Variants in OAS2 observed in about 807,000 individuals in gnomAD.
OAS2 encodes the protein 2'-5'-oligoadenylate synthase 2.
A neutral mutation model predicts 71.3 loss-of-function variants in OAS2; 67 were observed. The ratio of observed to expected loss-of-function variants is 0.94; its 90% CI spans 0.77 to 1.15. OAS2 has a LOEUF of 1.15. Among genes scored for constraint, OAS2 ranks in the 50% most tolerant of loss-of-function variants. The probability of loss-of-function intolerance (pLI) is 0.00; values close to 1 mark genes in which losing one functional copy is unlikely to be tolerated. For missense variants in OAS2, 789 were observed against 822.5 expected (o/e 0.96, Z 0.50); for synonymous variants, 327 against 321.8 (o/e 1.02, Z -0.17).
At chr12:112,999,633 C>A (rs1208605006) in intron 5 of OAS2, among the ~76,000 whole-genome samples, 1 of 152,216 alleles carries the variant, frequency 6.6e-6, no homozygotes, top group Non-Finnish European at 1.5e-5. Context: ...ACGCTCTGAG[C>A]AGTCACCCCT....
In OAS2 at chr12:113,009,389, C is replaced by T. The variant is rs996631960; in HGVS notation, c.*134C>T. 4 of 1,491,408 alleles carry T rather than the reference C, an allele frequency of 2.7e-6. No homozygotes were observed. In the African/African-American group the frequency reaches 5.8e-5, roughly 22 times the overall value. The allele number at this position is 1,491,408 out of a possible 1,614,324, so 92.4% of individuals were successfully genotyped here. A position where few individuals can be genotyped will look rare whatever the true frequency, so the allele number is the denominator to read the frequency against. On this transcript the variant is annotated 3_prime_UTR_variant, in exon 10 of 10. Transcript: ENST00000392583. The stretch of plus-strand genomic sequence containing the variant: ...AGGAGCTTAAACAGCTGGTCAGCCC[C>T]CTAAGCCCCCACTACAAGTGATCCT...
rs1276105776 is a variant in OAS2, at chr12:112,978,640, T to G, written c.32T>G (p.Val11Gly). The G allele has an allele frequency of 6.2e-7, 1 of 1,614,014 alleles. No individual in the cohort carries two copies. The highest frequency in any genetic ancestry group is 8.5e-7 in the Non-Finnish European group (1 of 1,180,022). Residue 11 changes from valine to glycine, a missense_variant, in exon 1 of 10, where the codon GTG (valine) becomes GGG (glycine). By Grantham distance (109) the Val-to-Gly change is moderately radical. Transcript: ENST00000392583. The surrounding 1 kb of genome is among the most constrained non-coding windows in gnomAD (Gnocchi z 4.2). MGNGESQLSS[V>G]PAQKLGWFIQ... Reference sequence around the variant, plus strand: ...AATGGGGAGTCCCAGCTGTCCTCGGTGCCTGCTCAGAAGCTGGGTTGGTTT... The same window carrying G: ...AATGGGGAGTCCCAGCTGTCCTCGGGGCCTGCTCAGAAGCTGGGTTGGTTT...
rs144455803 is a variant in OAS2, at chr12:113,008,726, A to C, written c.1896-361A>C. 2.6e-4 allele frequency among the ~76,000 whole-genome samples: 39 copies of C among 152,240 alleles called. No individual in the cohort carries two copies. In the East Asian group the frequency reaches 7.2e-3, roughly 28 times the overall value. ...CTGCAACCTCTGCCTCCCGGGTTCAAGCTGGTTCTCCTGCCTCAGCCTCCG... is the reference window on the plus strand; with the variant it reads ...CTGCAACCTCTGCCTCCCGGGTTCACGCTGGTTCTCCTGCCTCAGCCTCCG... On this transcript the variant is annotated intron_variant, in intron 9 of 9. Coordinates refer to ENST00000392583, the MANE Select transcript of OAS2 (RefSeq NM_002535.3).
intron 1 of OAS2, among the ~76,000 whole-genome samples, chr12:112,981,486 ATG>A (rs1483528212): frequency 6.6e-6 from 1 of 151,774 alleles, no homozygotes; most frequent in East Asian, 1.9e-4. Context: ...CCTTTCCCTA[ATG>A]TGTGTTCATG....
intron 1 of OAS2, among the ~76,000 whole-genome samples, chr12:112,980,186 A>G (rs577645780): frequency 6.6e-6 from 1 of 152,324 alleles, no homozygotes; most frequent in Non-Finnish European, 1.5e-5. Context: ...CATGGATACA[A>G]TGTGAAATGA....
intron 2 of OAS2, 97 bp downstream of exon 2, chr12:112,987,405 C>A: frequency 1.3e-6 from 2 of 1,518,120 alleles, no homozygotes; most frequent in Non-Finnish European, 1.8e-6. Context: ...GATACCACTG[C>A]TGCTTTAAAA....
chr12:112,988,348 G>A (rs778882838), intron 2 of OAS2: 4 of 472,788 alleles, frequency 8.5e-6, no homozygotes, highest in Non-Finnish European at 1.1e-5. Flanking sequence ...CAGCCACGTG[G>A]TGGAAGAAGA....
chr12:113,010,234 T>C lies in OAS2; in HGVS notation c.*979T>C. The C allele has an allele frequency of 6.8e-7, 1 of 1,469,708 alleles. No homozygotes were observed. The highest frequency in any genetic ancestry group is 8.9e-7 in the Non-Finnish European group (1 of 1,118,474). The allele number at this position is 1,469,708 out of a possible 1,614,324, so 91.0% of individuals were successfully genotyped here. A position where few individuals can be genotyped will look rare whatever the true frequency, so the allele number is the denominator to read the frequency against. On this transcript the variant is annotated 3_prime_UTR_variant, in exon 10 of 10. Transcript: ENST00000392583. ...TAGCTCTAATTATTAAGATATGCAT[T>C]ATAAATAAATACCAAAAAATTGTCT...
chr12:112,981,079 T>A (rs1292814875), intron 1 of OAS2, among the ~76,000 whole-genome samples: 1 of 152,196 alleles, frequency 6.6e-6, no homozygotes, highest in Non-Finnish European at 1.5e-5. Context: ...TTTTCTTTGC[T>A]GTTGAGTTGT....
chr12:112,988,658 T>A (rs889468770), intron 2 of OAS2: 1 of 985,318 alleles, frequency 1.0e-6, no homozygotes, highest in Admixed American at 6.1e-5. Context: ...AGTGAGCACA[T>A]CTGCACATTC....
At chr12:113,004,591 G>A (rs1392159864) in intron 6 of OAS2, among the ~76,000 whole-genome samples, 1 of 152,048 alleles carries the variant, frequency 6.6e-6, no homozygotes, top group Non-Finnish European at 1.5e-5. Flanking sequence ...ATTGCATTCC[G>A]CTCGATTTAT....
chr12:112,994,130 C>A (rs1053688117), intron 2 of OAS2, among the ~76,000 whole-genome samples: 8 of 152,172 alleles, frequency 5.3e-5, no homozygotes, highest in African/African-American at 1.9e-4. Context: ...TGCATCCAGA[C>A]AATGGGATGT....
intron 2 of OAS2, among the ~76,000 whole-genome samples, chr12:112,994,908 G>A (rs2044221072): frequency 3.9e-5 from 6 of 152,194 alleles, no homozygotes; most frequent in Admixed American, 3.9e-4. Flanking sequence ...TATATTGCAT[G>A]TAAAATATAA....
At chr12:112,995,569 C>T (rs930727628) in intron 3 of OAS2, 95 bp downstream of exon 3, 32 of 1,172,360 alleles carry the variant, frequency 2.7e-5, no homozygotes, top group Non-Finnish European at 3.9e-5. Context: ...AGGTATACAG[C>T]TCAACGCATT....
At chr12:113,008,921 C>T (rs1476807603) in intron 9 of OAS2, among the ~76,000 whole-genome samples, 166 bp from the exon 10 acceptor site, 4 of 152,208 alleles carry the variant, frequency 2.6e-5, no homozygotes, top group Non-Finnish European at 5.9e-5. Flanking sequence ...AGCCACTGCA[C>T]GCGGCCTCTA....
At chr12:112,990,468 A>G (rs946251377) in intron 2 of OAS2, among the ~76,000 whole-genome samples, 2 of 152,192 alleles carry the variant, frequency 1.3e-5, no homozygotes, top group African/African-American at 2.4e-5. Flanking sequence ...GGTTCTTATT[A>G]TGTAGATGAA....
rs1339527052 is a variant in OAS2, at chr12:112,978,637, C to T, written c.29C>T (p.Ser10Leu). MGNGESQLS[S>L]VPAQKLGWFI... ...GGAAATGGGGAGTCCCAGCTGTCCT[C>T]GGTGCCTGCTCAGAAGCTGGGTTGG... The change falls in exon 1 of 10, where the codon TCG (serine) becomes TTG (leucine). Residue 10 changes from serine to leucine, a missense_variant. Coordinates refer to ENST00000392583, the MANE Select transcript of OAS2 (RefSeq NM_002535.3). The surrounding 1 kb of genome is among the most constrained non-coding windows in gnomAD (Gnocchi z 4.2). 2.5e-6 allele frequency: 4 copies of T among 1,613,994 alleles called. No homozygotes were observed. Among genetic ancestry groups the T allele is most frequent in the Non-Finnish European group, 3.4e-6 (4 of 1,180,004 alleles).
intron 2 of OAS2, among the ~76,000 whole-genome samples, chr12:112,994,152 T>G (rs770700657): frequency 6.6e-6 from 1 of 152,284 alleles, no homozygotes; most frequent in East Asian, 1.9e-4. Context: ...AAATCCCTTA[T>G]TCCTCATGAT....
In OAS2 at chr12:113,010,586, C is replaced by T; in HGVS notation, c.*1331C>T. 1 of 1,497,282 alleles carries T rather than the reference C, an allele frequency of 6.7e-7. No individual in the cohort carries two copies. The highest frequency in any genetic ancestry group is 1.4e-5 in the South Asian group (1 of 72,884). The allele number at this position is 1,497,282 out of a possible 1,614,324, so 92.7% of individuals were successfully genotyped here. ...GTCCCTATTCCTCCTTCCCTTGCTT[C>T]TTGGACTTCTTGAAATCAATCAAGA... On this transcript the variant is annotated 3_prime_UTR_variant, in exon 10 of 10. Transcript: ENST00000392583.
Sources: allele counts gnomAD v4.1 joint callset (sites outside exome capture counted in the v4.1 genomes callset), GRCh38; gene constraint gnomAD v4.1.1; non-coding constraint Gnocchi (gnomAD v3.1); transcripts MANE v1.5; gene names NCBI Gene and HGNC (gene_info 2026-07-23, HGNC 2026-07-21).